TMPRSS4: variants seen among roughly 807,000 people sequenced by gnomAD.
The protein encoded by TMPRSS4 is transmembrane serine protease 4, also known as transmembrane protease serine 4.
TMPRSS4 carries 45 observed loss-of-function variants against 56.4 expected under a neutral mutation model. That is an observed-to-expected ratio of 0.80 (90% CI 0.63 to 1.02). The LOEUF (loss-of-function observed/expected upper bound fraction) is 1.02. Among genes scored for constraint, TMPRSS4 ranks in the 50% least tolerant of loss-of-function variants. TMPRSS4 has a pLI of 0.00. For missense variants in TMPRSS4, 546 were observed against 556.7 expected (o/e 0.98, Z 0.19); for synonymous variants, 205 against 211.0 (o/e 0.97, Z 0.25).
In TMPRSS4 at chr11:118,113,329, C is replaced by A. The variant is rs1281303107; in HGVS notation, c.804C>A (p.Phe268Leu). 1 of 1,614,048 alleles carries A rather than the reference C, an allele frequency of 6.2e-7. No homozygotes were observed. Among genetic ancestry groups the A allele is most frequent in the Non-Finnish European group, 8.5e-7 (1 of 1,180,036 alleles). Residue 268 changes from phenylalanine to leucine, a missense_variant, in exon 9 of 13, where the codon TTC becomes TTA. By Grantham distance (22) the Phe-to-Leu change is conservative (BLOSUM62 0). Coordinates refer to ENST00000437212, the MANE Select transcript of TMPRSS4 (RefSeq NM_019894.4). The stretch of plus-strand genomic sequence containing the variant: ...CAGGCTCAGACAAACTGGGCAGCTT[C>A]CCATCCCTGGCTGTGGCCAAGATCA... ...VRAGSDKLGS[F>L]PSLAVAKIII...
At chr11:118,124,370 C>G (rs1220953391), downstream of TMPRSS4, among the ~76,000 whole-genome samples, 2 of 151,768 alleles carry the variant, frequency 1.3e-5, no homozygotes, top group Non-Finnish European at 2.9e-5. Flanking sequence ...GGCAACAGAG[C>G]GAGACTCCAT....
At chr11:118,111,983 G>T in intron 8 of TMPRSS4, 83 bp downstream of exon 8, 1 of 1,534,958 alleles carries the variant, frequency 6.5e-7, no homozygotes. Flanking sequence ...TCCTGGCACC[G>T]TCCTTCTCTT....
rs535750384 is a variant in TMPRSS4, at chr11:118,113,051, G to A, written c.744-218G>A. 2.6e-5 allele frequency among the ~76,000 whole-genome samples: 4 copies of A among 152,144 alleles called. No individual in the cohort carries two copies. In the South Asian group the frequency reaches 8.3e-4, roughly 32 times the overall value. ...GCCCTCCTTGAGGTTTCGTTGGGCAGGTTTCACTGAGGAAAAAGGGTCAAA... is the reference window on the plus strand; with the variant it reads ...GCCCTCCTTGAGGTTTCGTTGGGCAAGTTTCACTGAGGAAAAAGGGTCAAA... On this transcript the variant is annotated intron_variant, in intron 8 of 12. Transcript: ENST00000437212.
At chr11:118,080,489 A>C (rs1445185190) in intron 1 of TMPRSS4, among the ~76,000 whole-genome samples, 1 of 152,084 alleles carries the variant, frequency 6.6e-6, no homozygotes, top group African/African-American at 2.4e-5. Context: ...CCTGGGGGTC[A>C]AGCTCTGTGC....
chr11:118,084,210 C>G (rs1006998821), intron 1 of TMPRSS4, among the ~76,000 whole-genome samples: 10 of 152,110 alleles, frequency 6.6e-5, no homozygotes, highest in Admixed American at 6.5e-4. Context: ...CAATAACTTG[C>G]TAAAGCCTCA....
chr11:118,111,416 C>G (rs553206694), intron 7 of TMPRSS4, among the ~76,000 whole-genome samples: 4 of 152,190 alleles, frequency 2.6e-5, no homozygotes, highest in Non-Finnish European at 4.4e-5. Flanking sequence ...GCAGGGCTTT[C>G]GTAATTCTGC....
chr11:118,118,139 C>T lies in TMPRSS4; in HGVS notation c.*226C>T, dbSNP rs1947661693. On this transcript the variant is annotated 3_prime_UTR_variant, in exon 13 of 13. Transcript: ENST00000437212. ...CCCTAGCTCGGCCACACTTGGTGCTCCCAGCATCCCAGGGAGAGACACAGC... is the reference window on the plus strand; with the variant it reads ...CCCTAGCTCGGCCACACTTGGTGCTTCCAGCATCCCAGGGAGAGACACAGC... 2 of 1,420,192 alleles carry T rather than the reference C, an allele frequency of 1.4e-6. No individual in the cohort carries two copies. The highest frequency in any genetic ancestry group is 1.8e-6 in the Non-Finnish European group (2 of 1,091,670). The allele number at this position is 1,420,192 out of a possible 1,614,324, so 88.0% of individuals were successfully genotyped here.
At chr11:118,104,863 T>A in intron 5 of TMPRSS4, 43 bp downstream of exon 5, 1 of 1,500,064 alleles carries the variant, frequency 6.7e-7, no homozygotes, top group Admixed American at 2.2e-5. Flanking sequence ...CCTTCCTCCT[T>A]CCTCCTCTTC....
chr11:118,104,340 C>T (rs1211073145), intron 4 of TMPRSS4, among the ~76,000 whole-genome samples: 1 of 152,092 alleles, frequency 6.6e-6, no homozygotes, highest in Non-Finnish European at 1.5e-5. Context: ...GGTATGTGGT[C>T]CATACAATTT....
At chr11:118,097,802 C>T (rs1946489924) in intron 2 of TMPRSS4, among the ~76,000 whole-genome samples, 1 of 152,148 alleles carries the variant, frequency 6.6e-6, no homozygotes, top group African/African-American at 2.4e-5. Context: ...TGGAGTCTTG[C>T]TCTTGTCGCC....
intron 2 of TMPRSS4, among the ~76,000 whole-genome samples, chr11:118,097,951 G>A (rs1946497663): frequency 6.6e-6 from 1 of 152,150 alleles, no homozygotes; most frequent in Non-Finnish European, 1.5e-5. Context: ...TGTATGTTTA[G>A]TAGAGACAGG....
chr11:118,083,970 G>C (rs568019890), intron 1 of TMPRSS4, among the ~76,000 whole-genome samples: 35 of 152,076 alleles, frequency 2.3e-4, no homozygotes, highest in Non-Finnish European at 4.1e-4. Flanking sequence ...CCTGGGAGGT[G>C]GTGGTTGCAG....
In TMPRSS4 at chr11:118,103,241, C is replaced by G; in HGVS notation, c.298C>G (p.Pro100Ala). The G allele has an allele frequency of 6.2e-7, 1 of 1,613,640 alleles. No homozygotes were observed. Among genetic ancestry groups the G allele is most frequent in the Non-Finnish European group, 8.5e-7 (1 of 1,179,854 alleles). ...CTGTGTCAAGAGCTTCCCCGAAGGGCCTGCAGTGGCAGGTGAGTGCAGGGT... is the reference window on the plus strand; with the variant it reads ...CTGTGTCAAGAGCTTCCCCGAAGGGGCTGCAGTGGCAGGTGAGTGCAGGGT... Reference protein sequence around the residue: ...EHCVKSFPEGPAVAVRLSKDR... With the variant: ...EHCVKSFPEGAAVAVRLSKDR... The change falls in exon 4 of 13, where the codon CCT becomes GCT. Residue 100 changes from proline to alanine, a missense_variant. Physicochemically the swap from Pro to Ala is conservative, Grantham distance 27. Transcript: ENST00000437212.
intron 1 of TMPRSS4, among the ~76,000 whole-genome samples, chr11:118,079,654 G>T (rs973861682): frequency 6.6e-6 from 1 of 152,194 alleles, no homozygotes; most frequent in Non-Finnish European, 1.5e-5. Context: ...TGACGCTTCC[G>T]GCTGCTCTGG....
chr11:118,123,975 G>T (rs537373682), downstream of TMPRSS4, among the ~76,000 whole-genome samples: 1 of 152,274 alleles, frequency 6.6e-6, no homozygotes, highest in African/African-American at 2.4e-5. Flanking sequence ...TGATAATAAG[G>T]AATTGTTAAT....
chr11:118,085,931 G>T (rs1945522602), intron 1 of TMPRSS4, among the ~76,000 whole-genome samples: 1 of 152,242 alleles, frequency 6.6e-6, no homozygotes, highest in Non-Finnish European at 1.5e-5. Flanking sequence ...GTTCAGAAAG[G>T]TGGGAGAGAA....
intron 1 of TMPRSS4, among the ~76,000 whole-genome samples, chr11:118,082,290 G>A (rs1378623111): frequency 6.6e-6 from 1 of 152,142 alleles, no homozygotes; most frequent in African/African-American, 2.4e-5. Flanking sequence ...GCCGGGTGTG[G>A]TGGCTCATGC....
chr11:118,097,961 G>A (rs1421848567), intron 2 of TMPRSS4, among the ~76,000 whole-genome samples: 7 of 152,126 alleles, frequency 4.6e-5, no homozygotes, highest in South Asian at 2.1e-4. Context: ...GTAGAGACAG[G>A]GTTTCACCAT....
At position 118,121,864 on chromosome 11, in the gene TMPRSS4, A is replaced by G. The variant is rs1039986304; in HGVS notation, c.*3951A>G. The G allele has an allele frequency of 6.6e-6, 1 of 152,210 alleles. No homozygotes were observed. The highest frequency in any genetic ancestry group is 1.5e-5 in the Non-Finnish European group (1 of 68,038). The allele number at this position is 152,210 out of a possible 1,614,324, so 9.4% of individuals were successfully genotyped here. A position where few individuals can be genotyped will look rare whatever the true frequency, so the allele number is the denominator to read the frequency against. ...GAAATATGGAGTAACCACAGCATGCAGCATGTAAATTAAAGGGGATAGCTG... is the reference window on the plus strand; with the variant it reads ...GAAATATGGAGTAACCACAGCATGCGGCATGTAAATTAAAGGGGATAGCTG... On this transcript the variant is annotated 3_prime_UTR_variant, in exon 13 of 13. Coordinates refer to ENST00000437212, the MANE Select transcript of TMPRSS4 (RefSeq NM_019894.4).
Sources: allele counts gnomAD v4.1 joint callset (sites outside exome capture counted in the v4.1 genomes callset), GRCh38; gene constraint gnomAD v4.1.1; transcripts MANE v1.5; gene names NCBI Gene and HGNC (gene_info 2026-07-23, HGNC 2026-07-21).